NTM: variants seen among roughly 807,000 people sequenced by gnomAD.
The protein encoded by NTM is IgLON family member 2.
In NTM, 13 loss-of-function variants were observed where a neutral mutation model predicts 42.1. That is an observed-to-expected ratio of 0.31 (90% CI 0.20 to 0.49). The LOEUF is 0.49. Ranked by LOEUF, NTM falls within the 20% of genes least tolerant of loss-of-function variation. The pLI is 0.99. For synonymous variants in NTM, 187 were observed against 179.2 expected, an observed-to-expected ratio of 1.04 and a Z score of -0.35; for missense variants, 373 against 452.8, an observed-to-expected ratio of 0.82 and a Z score of 1.60.
chr11:132,104,972 T>TTTC, intron 2 of NTM, among the ~76,000 whole-genome samples: 1 of 121,600 alleles, frequency 8.2e-6, no homozygotes, highest in African/African-American at 3.2e-5. Context: ...TATATATATA[T>TTTC]ATATATATAT....
At chr11:132,313,252 C>A (rs779917670) in intron 6 of NTM, among the ~76,000 whole-genome samples, 1 of 152,022 alleles carries the variant, frequency 6.6e-6, no homozygotes, top group African/African-American at 2.4e-5. Context: ...TGCCATTGTG[C>A]GGTCCGCAAA....
intron 3 of NTM, among the ~76,000 whole-genome samples, chr11:132,179,624 T>C (rs530201931): frequency 6.6e-6 from 1 of 152,336 alleles, no homozygotes; most frequent in African/African-American, 2.4e-5. Context: ...CAAAGATCCT[T>C]CCAAGTCATT....
At chr11:131,993,192 G>A (rs2067334506) in intron 2 of NTM, among the ~76,000 whole-genome samples, 1 of 152,202 alleles carries the variant, frequency 6.6e-6, no homozygotes, top group Admixed American at 6.5e-5. Flanking sequence ...CTGGCAAATA[G>A]TTTGGGAGAG....
At chr11:131,448,381 C>T (rs1342826091) in intron 1 of NTM, among the ~76,000 whole-genome samples, 1 of 152,232 alleles carries the variant, frequency 6.6e-6, no homozygotes, top group Non-Finnish European at 1.5e-5. Flanking sequence ...CCACACAGGC[C>T]AGCCTCCTGT....
At chr11:132,069,317 A>G (rs1470947827) in intron 2 of NTM, among the ~76,000 whole-genome samples, 1 of 149,292 alleles carries the variant, frequency 6.7e-6, no homozygotes, top group African/African-American at 2.5e-5. Flanking sequence ...TGACCATCAC[A>G]GGTTAGTTAA....
chr11:131,789,422 AGAAGAAG>A (rs1348722074), intron 1 of NTM, among the ~76,000 whole-genome samples: 2 of 25,246 alleles, frequency 7.9e-5, no homozygotes, highest in African/African-American at 4.1e-4. Flanking sequence ...AAAGAAAAAA[AGAAGAAG>A]GAAGAAGAAG....
At chr11:131,417,303 T>C (rs1947055979) in intron 1 of NTM, among the ~76,000 whole-genome samples, 1 of 152,212 alleles carries the variant, frequency 6.6e-6, no homozygotes, top group African/African-American at 2.4e-5. Context: ...TCTAATAAAA[T>C]ACCATGTTGG....
chr11:131,751,835 C>T (rs2082598201), intron 1 of NTM, among the ~76,000 whole-genome samples: 1 of 139,984 alleles, frequency 7.1e-6, no homozygotes, highest in African/African-American at 2.7e-5. Context: ...TGTTTAACAT[C>T]TGCCTCACAC....
chr11:132,182,595 A>G (rs2077736162), intron 3 of NTM, among the ~76,000 whole-genome samples: 2 of 152,186 alleles, frequency 1.3e-5, no homozygotes, highest in Admixed American at 1.3e-4. Context: ...GAAAGTAATA[A>G]TGAGGGGTGA....
chr11:131,691,194 C>T (rs1420932158), intron 1 of NTM, among the ~76,000 whole-genome samples: 1 of 152,200 alleles, frequency 6.6e-6, no homozygotes, highest in South Asian at 2.1e-4. Context: ...CACCCACAGC[C>T]TACGGCCCGT....
At chr11:131,765,108 A>G (rs980701221) in intron 1 of NTM, among the ~76,000 whole-genome samples, 1 of 152,066 alleles carries the variant, frequency 6.6e-6, no homozygotes, top group African/African-American at 2.4e-5. Context: ...CACTTAAAGA[A>G]TGCTCTGTAT....
At chr11:131,601,409 A>G (rs1283738542) in intron 1 of NTM, among the ~76,000 whole-genome samples, 1 of 152,236 alleles carries the variant, frequency 6.6e-6, no homozygotes, top group East Asian at 1.9e-4. Context: ...TTGGGTTTTA[A>G]TGACAAAAAT....
At chr11:131,445,842 G>A (rs1191638133) in intron 1 of NTM, among the ~76,000 whole-genome samples, 1 of 152,156 alleles carries the variant, frequency 6.6e-6, no homozygotes, top group African/African-American at 2.4e-5. Context: ...GTCAAATGCA[G>A]CCTGCCACTT....
chr11:131,517,527 A>G (rs915062911), intron 1 of NTM, among the ~76,000 whole-genome samples: 1 of 152,178 alleles, frequency 6.6e-6, no homozygotes, highest in Non-Finnish European at 1.5e-5. Context: ...TTACTTGTCA[A>G]ATCCTGTGTC....
chr11:132,013,161 A>G (rs1008946087), intron 2 of NTM, among the ~76,000 whole-genome samples: 1 of 152,170 alleles, frequency 6.6e-6, no homozygotes, highest in African/African-American at 2.4e-5. Context: ...AGACTAGAAC[A>G]AGGAAGGGTA....
intron 1 of NTM, among the ~76,000 whole-genome samples, chr11:131,401,810 A>ATATATATATATATATATG (rs1565465175): frequency 7.2e-5 from 1 of 13,956 alleles, no homozygotes; most frequent in Non-Finnish European, 1.2e-4. Context: ...ATATATATAT[A>ATATATATATATATATATG]TATATATATA....
chr11:132,096,174 C>T lies in NTM; in HGVS notation c.168-50108C>T, dbSNP rs749806590. On this transcript the variant is annotated intron_variant, in intron 2 of 8. Transcript: ENST00000683400. ...CCATACTTTTTAGTCTTTTTTCCCC[C>T]CTTGAATGATTTTCTTCTTTATCTT... Among the ~76,000 whole-genome samples the T allele has an allele frequency of 4.6e-5, 7 of 152,146 alleles. 1 individual carries two copies. In the South Asian group the frequency reaches 8.3e-4, roughly 18 times the overall value.
Position 132,330,134 on chromosome 11 carries a change from T to C in NTM, c.935-19T>C, listed in dbSNP as rs1333765640. The C allele has an allele frequency of 1.3e-6, 2 of 1,551,580 alleles. No individual in the cohort carries two copies. Among genetic ancestry groups the C allele is most frequent in the African/African-American group, 2.7e-5 (2 of 73,054 alleles). On this transcript the variant is annotated intron_variant, in intron 7 of 8. Coordinates refer to ENST00000683400, the MANE Select transcript of NTM (RefSeq NM_001352005.2). ...TCTGCTTTCGACCTTAACAGTGGCTTGTTTTTAATTTCTTTTAGAAGTGAA... is the reference window on the plus strand; with the variant it reads ...TCTGCTTTCGACCTTAACAGTGGCTCGTTTTTAATTTCTTTTAGAAGTGAA...
At chr11:131,493,034 A>G (rs73572317) in intron 1 of NTM, among the ~76,000 whole-genome samples, 4,702 of 152,114 alleles carry the variant, frequency 0.031, 245 homozygotes, top group African/African-American at 0.11. Flanking sequence ...CCTGGGCAAC[A>G]CGGTGAACCT....
Sources: gnomAD v4.1 joint callset for allele counts (sites outside exome capture counted in the v4.1 genomes callset) on GRCh38, gnomAD v4.1.1 for gene constraint, MANE v1.5 for transcripts, NCBI Gene and HGNC (gene_info 2026-07-23, HGNC 2026-07-21) for gene names.